Variants in VPS13C observed in about 807,000 individuals in gnomAD.
VPS13C encodes vacuolar protein sorting 13 homolog C, also known as intermembrane lipid transfer protein VPS13C.
In VPS13C, 358 loss-of-function variants were observed where a neutral mutation model predicts 456.8. The ratio of observed to expected loss-of-function variants is 0.78; its 90% CI spans 0.72 to 0.86. The LOEUF (loss-of-function observed/expected upper bound fraction) is 0.86, where lower values mean the gene tolerates loss of function less well. VPS13C is among the 40% of genes least tolerant of loss of function. The pLI, the probability that VPS13C is intolerant of heterozygous loss-of-function variation, is 0.00. For missense variants in VPS13C, 4,818 were observed against 4,385.4 expected, an observed-to-expected ratio of 1.10 and a Z score of -2.79; for synonymous variants, 1,578 against 1,486.7, an observed-to-expected ratio of 1.06 and a Z score of -1.41.
At chr15:61,983,603 T>C (rs963607288) in intron 20 of VPS13C, 2 of 466,938 alleles carry the variant, frequency 4.3e-6, no homozygotes, top group Admixed American at 4.2e-5. Context: ...AACAAAGGCG[T>C]AGATAAATAA....
chr15:62,030,491 TA>T (rs1317112087), intron 5 of VPS13C, among the ~76,000 whole-genome samples: 2 of 152,098 alleles, frequency 1.3e-5, no homozygotes, highest in East Asian at 3.9e-4. Flanking sequence ...ATGCTTCCTA[TA>T]CAGCCTACAG....
At chr15:61,921,842 G>C in intron 55 of VPS13C, 105 bp downstream of exon 55, 1 of 1,118,014 alleles carries the variant, frequency 8.9e-7, no homozygotes, top group Non-Finnish European at 1.3e-6. Context: ...GCCCTTAAAA[G>C]GGCTTCAAGG....
intron 51 of VPS13C, 24 bp downstream of exon 51, chr15:61,929,477 C>A (rs758268824): frequency 5.8e-5 from 94 of 1,606,958 alleles, no homozygotes; most frequent in Middle Eastern, 1.7e-4. Flanking sequence ...AAGTTGTCAT[C>A]TATGACAGAT....
chr15:61,917,676 CA>C (rs1567000316), intron 59 of VPS13C, 41 bp from the exon 60 acceptor site: 2 of 1,568,090 alleles, frequency 1.3e-6, no homozygotes, highest in Admixed American at 1.9e-5. Context: ...TTTTGATCCA[CA>C]ACTTAAAAAA....
intron 80 of VPS13C, among the ~76,000 whole-genome samples, chr15:61,869,116 C>CTTT (rs68084709): frequency 6.1e-5 from 8 of 131,296 alleles, no homozygotes; most frequent in East Asian, 2.3e-4. Flanking sequence ...TTTCTTTTTT[C>CTTT]TTTTTTTTTT....
At chr15:61,978,531 T>G in intron 23 of VPS13C, 95 bp downstream of exon 23, 2 of 1,402,320 alleles carry the variant, frequency 1.4e-6, no homozygotes, top group Non-Finnish European at 1.9e-6. Context: ...GCAAAATGGT[T>G]GTCAGGGTTG....
intron 5 of VPS13C, among the ~76,000 whole-genome samples, chr15:62,029,606 G>A (rs901845482): frequency 3.3e-5 from 5 of 151,910 alleles, no homozygotes; most frequent in Non-Finnish European, 4.4e-5. Context: ...CTCTTTGATG[G>A]GACTCAACAC....
At chr15:61,913,900 G>C (rs1242278006) in intron 61 of VPS13C, among the ~76,000 whole-genome samples, 1 of 152,116 alleles carries the variant, frequency 6.6e-6, no homozygotes. Flanking sequence ...ACTAGACAGA[G>C]AGATTAGGAA....
intron 38 of VPS13C, among the ~76,000 whole-genome samples, chr15:61,952,799 G>C (rs918388286): frequency 6.6e-6 from 1 of 152,006 alleles, no homozygotes; most frequent in South Asian, 2.1e-4. Flanking sequence ...GCTCACTGCA[G>C]TCTTGACCTC....
chr15:61,949,619 C>A lies in VPS13C; in HGVS notation c.4597-14G>T, dbSNP rs2044719523. The A allele has an allele frequency of 6.3e-7, 1 of 1,584,934 alleles. No individual in the cohort carries two copies. The highest frequency in any genetic ancestry group is 8.5e-7 in the Non-Finnish European group (1 of 1,171,886). ...TGCAAATGAAACCTAAGATAATGAA[C>A]AATTAAAGAGGCAGATTTCAGATGC... On this transcript the variant is annotated splice_polypyrimidine_tract_variant and intron_variant, in intron 41 of 84. Transcript: ENST00000644861.
chr15:61,992,308 C>A (rs1390220514), intron 16 of VPS13C, among the ~76,000 whole-genome samples: 1 of 152,088 alleles, frequency 6.6e-6, no homozygotes, highest in Non-Finnish European at 1.5e-5. Context: ...CTCAACAAAT[C>A]CTGACTTGAT....
At chr15:61,969,211 T>TA in intron 28 of VPS13C, 88 bp downstream of exon 28, 1 of 973,802 alleles carries the variant, frequency 1.0e-6, no homozygotes, top group Admixed American at 3.0e-5. Flanking sequence ...TATTATTTAT[T>TA]ATAAATACAA....
Position 62,023,392 on chromosome 15 carries a change from GTAAA to G in VPS13C, c.624+15_624+18del, listed in dbSNP as rs1285502872. On this transcript the variant is annotated intron_variant, in intron 8 of 84. Coordinates refer to ENST00000644861, the MANE Select transcript of VPS13C (RefSeq NM_020821.3). ...AAATACATATTTAATTATTAACTGAGTAAATAAAAATTACTTACATCATCTTCAT... is the reference window on the plus strand; with the variant it reads ...AAATACATATTTAATTATTAACTGAGTAAAAATTACTTACATCATCTTCAT... The G allele has an allele frequency of 3.8e-6, 5 of 1,323,064 alleles. No individual in the cohort carries two copies. In the African/African-American group the frequency reaches 4.6e-5, roughly 12 times the overall value. 82.0% of individuals were successfully genotyped at this position (1,323,064 alleles called of 1,614,324 possible).
At position 61,884,122 on chromosome 15, in the gene VPS13C, G is replaced by A; in HGVS notation, c.9483+6C>T. On this transcript the variant is annotated splice_donor_region_variant and intron_variant, in intron 68 of 84. Coordinates refer to ENST00000644861, the MANE Select transcript of VPS13C (RefSeq NM_020821.3). ...TAAAAATCAAAACAAAAGAATTTTG[G>A]TATACCTCAAAATTATTATCTAGCT... 6.4e-7 allele frequency: 1 copy of A among 1,553,212 alleles called. No homozygotes were observed. The highest frequency in any genetic ancestry group is 8.6e-7 in the Non-Finnish European group (1 of 1,158,188).
intron 28 of VPS13C, 29 bp downstream of exon 28, chr15:61,969,270 G>A (rs1459967853): frequency 1.3e-6 from 2 of 1,487,728 alleles, no homozygotes; most frequent in Admixed American, 2.1e-5. Flanking sequence ...TTTATTATAG[G>A]CTATTATTTC....
chr15:61,973,871 A>G (rs1393481707), intron 25 of VPS13C, among the ~76,000 whole-genome samples: 1 of 152,148 alleles, frequency 6.6e-6, no homozygotes, highest in Non-Finnish European at 1.5e-5. Flanking sequence ...ACAGGGTATC[A>G]TCATGAGCTG....
At chr15:61,951,430 C>T (rs2044787565) in intron 39 of VPS13C, among the ~76,000 whole-genome samples, 1 of 151,990 alleles carries the variant, frequency 6.6e-6, no homozygotes, top group South Asian at 2.1e-4. Context: ...ATTGCAGAAA[C>T]TTAAAAGGTC....
chr15:61,886,241 C>T (rs1049144558), intron 67 of VPS13C, among the ~76,000 whole-genome samples: 18 of 152,214 alleles, frequency 1.2e-4, no homozygotes, highest in Admixed American at 8.5e-4. Flanking sequence ...CGTGTGATGA[C>T]ATATTTTGCC....
At position 61,977,108 on chromosome 15, in the gene VPS13C, C is replaced by T; in HGVS notation, c.2382G>A (p.Met794Ile). 6.2e-7 allele frequency: 1 copy of T among 1,601,874 alleles called. No individual in the cohort carries two copies. Among genetic ancestry groups the T allele is most frequent in the East Asian group, 2.3e-5 (1 of 43,768 alleles). Reference protein sequence around the residue: ...MDIHVELAKAMVEKDIRMARF... With the variant: ...MDIHVELAKAIVEKDIRMARF... ...TGGCCATTCTAATGTCTTTTTCTAC[C>T]ATGGCCTTAGCCAACTCAACATGAA... Residue 794 changes from methionine (M) to isoleucine (I), a missense_variant, in exon 24 of 85, where the codon ATG becomes ATA. By Grantham distance (10) the Met-to-Ile change is conservative. This residue lies in a region of VPS13C where 4,552 missense variants were observed against 4,130.6 expected (regional missense o/e 1.10). Coordinates refer to ENST00000644861, the MANE Select transcript of VPS13C (RefSeq NM_020821.3).
Sources: gnomAD v4.1 joint callset for allele counts (sites outside exome capture counted in the v4.1 genomes callset) on GRCh38, gnomAD v4.1.1 for gene constraint, gnomAD v4.1.1 regional missense constraint, MANE v1.5 for transcripts, NCBI Gene and HGNC (gene_info 2026-07-23, HGNC 2026-07-21) for gene names.